DUSP5: variants seen among roughly 807,000 people sequenced by gnomAD.
The protein encoded by DUSP5 is dual specificity protein phosphatase 5.
A neutral mutation model predicts 33.6 loss-of-function variants in DUSP5; 22 were observed. That is an observed-to-expected ratio of 0.66 (90% CI 0.47 to 0.94). The LOEUF (loss-of-function observed/expected upper bound fraction) is 0.94. Among genes scored for constraint, DUSP5 ranks in the 40% least tolerant of loss-of-function variants. The probability of loss-of-function intolerance (pLI) is 0.00; values close to 1 mark genes in which losing one functional copy is unlikely to be tolerated. For synonymous variants in DUSP5, 270 were observed against 231.1 expected (o/e 1.17, Z -1.53); for missense variants, 551 against 522.1 (o/e 1.06, Z -0.54).
At chr10:110,508,893 C>T (rs2134664517) in intron 3 of DUSP5, among the ~76,000 whole-genome samples, 1 of 152,312 alleles carries the variant, frequency 6.6e-6, no homozygotes, top group East Asian at 1.9e-4. Flanking sequence ...TCTAGGATTC[C>T]TCCCTGATGC....
chr10:110,502,738 T>G lies in DUSP5; in HGVS notation c.397T>G (p.Tyr133Asp). The change falls in exon 2 of 4, where the codon TAC (tyrosine) becomes GAC (aspartate). Residue 133 changes from tyrosine (Y) to aspartate (D), a missense_variant. Physicochemically the swap from Tyr to Asp is radical, Grantham distance 160. Around this residue, in one of 3 missense-constraint regions of DUSP5, gnomAD observed 381 missense variants for 310.4 expected, o/e 1.23. Coordinates refer to ENST00000369583, the MANE Select transcript of DUSP5 (RefSeq NM_004419.4). ...YFLKGGYETF[Y>D]SEYPECCVDV... Reference sequence around the variant, plus strand: ...TTTTGTAGGGGGATATGAGACTTTCTACTCGGAATATCCTGAGTGTTGCGT... The same window carrying G: ...TTTTGTAGGGGGATATGAGACTTTCGACTCGGAATATCCTGAGTGTTGCGT... The G allele has an allele frequency of 6.2e-7, 1 of 1,614,068 alleles. No homozygotes were observed. Among genetic ancestry groups the G allele is most frequent in the Non-Finnish European group, 8.5e-7 (1 of 1,179,936 alleles).
Position 110,498,259 on chromosome 10 carries a change from C to G in DUSP5, c.138C>G (p.Asn46Lys), listed in dbSNP as rs1208669367. The change falls in exon 1 of 4, where the codon AAC becomes AAG. Residue 46 changes from asparagine (N) to lysine (K), a missense_variant. Transcript: ENST00000369583. ...ASNVRGSLNV[N>K]LNSVVLRRAR... The stretch of plus-strand genomic sequence containing the variant: ...ACGTGCGCGGCTCGCTCAACGTCAA[C>G]CTCAACTCGGTGGTGCTGCGGCGGG... 6.7e-7 allele frequency: 1 copy of G among 1,500,640 alleles called. No homozygotes were observed. The highest frequency in any genetic ancestry group is 8.9e-7 in the Non-Finnish European group (1 of 1,122,880). The allele number at this position is 1,500,640 out of a possible 1,614,324, so 93.0% of individuals were successfully genotyped here. A position where few individuals can be genotyped will look rare whatever the true frequency, so the allele number is the denominator to read the frequency against.
rs901803567 is a variant in DUSP5 at position 110,510,645 on chromosome 10, A to G, written c.*219A>G. The G allele has an allele frequency of 5.9e-5, 35 of 597,446 alleles. 1 individual carries two copies. The highest frequency in any genetic ancestry group is 5.2e-4 in the African/African-American group (28 of 54,004). 37.0% of individuals were successfully genotyped at this position (597,446 alleles called of 1,614,324 possible). ...GGCCAAGCCATTACGGGAGCACAGCATGTGCTGACTACTGTACTTCCAGAC... is the reference window on the plus strand; with the variant it reads ...GGCCAAGCCATTACGGGAGCACAGCGTGTGCTGACTACTGTACTTCCAGAC... On this transcript the variant is annotated 3_prime_UTR_variant, in exon 4 of 4. Transcript: ENST00000369583.
chr10:110,510,278 C>T lies in DUSP5; in HGVS notation c.1007C>T (p.Ser336Phe). 1.2e-6 allele frequency: 2 copies of T among 1,614,182 alleles called. No homozygotes were observed. Among genetic ancestry groups the T allele is most frequent in the East Asian group, 4.5e-5 (2 of 44,880 alleles). ...TCCTGCCAAGGGGAGGCAGCAGGCT[C>T]TTCACTGATAGGCCATTTGCAGACA... ...PPSCQGEAAG[S>F]SLIGHLQTLS... The change falls in exon 4 of 4, where the codon TCT (serine) becomes TTT (phenylalanine). Residue 336 changes from serine (S) to phenylalanine (F), a missense_variant. Around this residue, in one of 3 missense-constraint regions of DUSP5, gnomAD observed 158 missense variants for 181.8 expected, o/e 0.87. Coordinates refer to ENST00000369583, the MANE Select transcript of DUSP5 (RefSeq NM_004419.4).
rs146342401 is a variant in DUSP5 at position 110,506,964 on chromosome 10, C to G, written c.558C>G (p.Leu186=). The change falls in exon 3 of 4, where the codon CTC becomes CTG. Residue 186 remains leucine, a synonymous_variant. Coordinates refer to ENST00000369583, the MANE Select transcript of DUSP5 (RefSeq NM_004419.4). Reference sequence around the variant, plus strand: ...GCCCAGTTGAAATCCTTCCCTTCCTCTACCTTGGAAGTGCCTACCATGCAT... The same window carrying G: ...GCCCAGTTGAAATCCTTCCCTTCCTGTACCTTGGAAGTGCCTACCATGCAT... The part of the protein sequence containing the change: ...QGGPVEILPF[L]YLGSAYHASK... The G allele has an allele frequency of 6.2e-7, 1 of 1,614,292 alleles. No homozygotes were observed. The highest frequency in any genetic ancestry group is 1.1e-5 in the South Asian group (1 of 91,090).
In DUSP5 at chr10:110,498,473, G is replaced by T; in HGVS notation, c.352G>T (p.Ala118Ser). 6.5e-7 allele frequency: 1 copy of T among 1,543,126 alleles called. No homozygotes were observed. ...CACCTCGCTACTCGCTTGCCTACCC[G>T]CCGGCCCGCGGGTCTACTTCCTCAA... is the stretch of plus-strand genomic sequence containing the variant. ...VLTSLLACLP[A>S]GPRVYFLKGG... The change falls in exon 1 of 4, where the codon GCC becomes TCC. Residue 118 changes from alanine to serine, a missense_variant. Coordinates refer to ENST00000369583, the MANE Select transcript of DUSP5 (RefSeq NM_004419.4).
intron 3 of DUSP5, among the ~76,000 whole-genome samples, chr10:110,508,567 C>T (rs948167139): frequency 6.6e-6 from 1 of 152,112 alleles, no homozygotes; most frequent in Non-Finnish European, 1.5e-5. Flanking sequence ...ATATGCTGAC[C>T]CCTTCCAAGG....
intron 2 of DUSP5, among the ~76,000 whole-genome samples, chr10:110,503,887 T>G (rs929566904): frequency 3.9e-5 from 6 of 152,236 alleles, no homozygotes; most frequent in Admixed American, 1.3e-4. Flanking sequence ...GAAGAAAGAT[T>G]GCTAGATGCT....
intron 3 of DUSP5, among the ~76,000 whole-genome samples, 177 bp from the exon 4 acceptor site, chr10:110,509,843 A>G (rs1310958233): frequency 6.6e-6 from 1 of 152,166 alleles, no homozygotes; most frequent in African/African-American, 2.4e-5. Flanking sequence ...GGGACCCCAA[A>G]AGCTCTATCC....
chr10:110,502,653 T>A (rs1202490147), intron 1 of DUSP5, 68 bp from the exon 2 acceptor site: 5 of 1,554,884 alleles, frequency 3.2e-6, no homozygotes, highest in Non-Finnish European at 4.4e-6. Context: ...TGATTAACTA[T>A]GGGTATTTTT....
intron 2 of DUSP5, among the ~76,000 whole-genome samples, chr10:110,503,108 C>G (rs775858489): frequency 6.6e-6 from 1 of 152,146 alleles, no homozygotes; most frequent in Non-Finnish European, 1.5e-5. Context: ...GCAAACCAGC[C>G]ACAGGATGCT....
intron 1 of DUSP5, among the ~76,000 whole-genome samples, chr10:110,499,376 T>G (rs1040720798): frequency 6.6e-6 from 1 of 152,194 alleles, no homozygotes; most frequent in Admixed American, 6.5e-5. Flanking sequence ...CTATGACTGC[T>G]CCTGCTTTGT....
rs776654845 is a variant in DUSP5, at chr10:110,510,360, G to A, written c.1089G>A (p.Pro363=). Residue 363 remains proline (P), a synonymous_variant, in exon 4 of 4, where the codon CCG becomes CCA. Transcript: ENST00000369583. ...YCTFPASVLA[P]VPTHSTVSEL... is the part of the protein sequence containing the mutation. ...CATTCCCTGCCTCGGTGCTGGCACCGGTGCCTACCCACTCAACAGTCTCAG... is the reference window on the plus strand; with the variant it reads ...CATTCCCTGCCTCGGTGCTGGCACCAGTGCCTACCCACTCAACAGTCTCAG... 2.4e-5 allele frequency: 39 copies of A among 1,612,190 alleles called. No homozygotes were observed. The East Asian group carries it at 4.2e-4, about 18-fold the overall frequency.
intron 1 of DUSP5, among the ~76,000 whole-genome samples, chr10:110,499,240 A>T (rs1310337564): frequency 6.6e-6 from 1 of 151,826 alleles, no homozygotes; most frequent in Non-Finnish European, 1.5e-5. Context: ...CTTTGATTTG[A>T]CACCTCCCGG....
Position 110,510,499 on chromosome 10 carries a change from A to C in DUSP5, c.*73A>C, listed in dbSNP as rs1860178006. The C allele has an allele frequency of 1.4e-6, 2 of 1,451,832 alleles. No homozygotes were observed. Among genetic ancestry groups the C allele is most frequent in the African/African-American group, 2.8e-5 (2 of 70,542 alleles). The allele number at this position is 1,451,832 out of a possible 1,614,324, so 89.9% of individuals were successfully genotyped here. On this transcript the variant is annotated 3_prime_UTR_variant, in exon 4 of 4. Coordinates refer to ENST00000369583, the MANE Select transcript of DUSP5 (RefSeq NM_004419.4). ...TGTTTTTAAGACTCATGGACATTTC[A>C]TACCTGTGCAATACTGAAGACCTCA...
rs577810725 is a variant in DUSP5, at chr10:110,498,355, G to A, written c.234G>A (p.Glu78=). ...CGGCGCGCGCGCGGCTCCTGCAGGA[G>A]GGCGGCGGCGGCGTCGCGGCCGTGG... ...DEAARARLLQ[E]GGGGVAAVVV... The change falls in exon 1 of 4, where the codon GAG becomes GAA. Residue 78 remains glutamate, a synonymous_variant. Transcript: ENST00000369583. 617 of 1,392,790 alleles carry A rather than the reference G, an allele frequency of 4.4e-4. 3 individuals are homozygous for A. The highest frequency in any genetic ancestry group is 2.9e-5 in the Non-Finnish European group (31 of 1,072,178). The allele number at this position is 1,392,790 out of a possible 1,614,324, so 86.3% of individuals were successfully genotyped here. A position where few individuals can be genotyped will look rare whatever the true frequency, so the allele number is the denominator to read the frequency against.
rs1480616733 is a variant in DUSP5, at chr10:110,511,276, T to A, written c.*850T>A. Reference sequence around the variant, plus strand: ...GTGCAAACTGGTTTCCTCAGCTGCCTGTCCTTCTGTGTGCTTATGTCTCTT... The same window carrying A: ...GTGCAAACTGGTTTCCTCAGCTGCCAGTCCTTCTGTGTGCTTATGTCTCTT... On this transcript the variant is annotated 3_prime_UTR_variant, in exon 4 of 4. Coordinates refer to ENST00000369583, the MANE Select transcript of DUSP5 (RefSeq NM_004419.4). The A allele has an allele frequency of 2.6e-5, 4 of 152,632 alleles. No individual in the cohort carries two copies. Among genetic ancestry groups the A allele is most frequent in the Admixed American group, 2.6e-4 (4 of 15,284 alleles). 9.5% of individuals were successfully genotyped at this position (152,632 alleles called of 1,614,324 possible).
intron 1 of DUSP5, among the ~76,000 whole-genome samples, chr10:110,501,829 C>T (rs1276287241): frequency 6.6e-6 from 1 of 152,076 alleles, no homozygotes; most frequent in East Asian, 1.9e-4. Context: ...GAAATGGGCC[C>T]AAGAAGGCTT....
chr10:110,508,306 C>A (rs1390445356), intron 3 of DUSP5, among the ~76,000 whole-genome samples: 1 of 152,116 alleles, frequency 6.6e-6, no homozygotes, highest in Non-Finnish European at 1.5e-5. Flanking sequence ...CTTGTTCTCC[C>A]TGTCCCTGGG....
Sources: gnomAD v4.1 joint callset for allele counts (sites outside exome capture counted in the v4.1 genomes callset) on GRCh38, gnomAD v4.1.1 for gene constraint, gnomAD v4.1.1 regional missense constraint, MANE v1.5 for transcripts, NCBI Gene and HGNC (gene_info 2026-07-23, HGNC 2026-07-21) for gene names.